Variants in GRXCR1 observed in about 807,000 individuals in gnomAD.
The protein encoded by GRXCR1 is glutaredoxin and cysteine rich domain containing 1.
Under a neutral mutation model 27.3 loss-of-function variants are expected in GRXCR1, and 27 were observed. That is an observed-to-expected ratio of 0.99 (90% confidence interval 0.73 to 1.37). The LOEUF is 1.37. Ranked by LOEUF, GRXCR1 falls within the 40% of genes most tolerant of loss-of-function variation. The pLI, the probability that GRXCR1 is intolerant of heterozygous loss-of-function variation, is 0.00. For missense variants in GRXCR1, 379 were observed against 354.4 expected, an observed-to-expected ratio of 1.07 and a Z score of -0.56; for synonymous variants, 122 against 131.1, an observed-to-expected ratio of 0.93 and a Z score of 0.47.
intron 2 of GRXCR1, among the ~76,000 whole-genome samples, chr4:42,965,261 C>G (rs1336632947): frequency 6.6e-6 from 1 of 152,040 alleles, no homozygotes; most frequent in Non-Finnish European, 1.5e-5. Flanking sequence ...GAGGAACTAT[C>G]ATACAGGTGC....
intron 1 of GRXCR1, among the ~76,000 whole-genome samples, chr4:42,961,057 CCT>C (rs1748120527): frequency 6.6e-6 from 1 of 151,704 alleles, no homozygotes; most frequent in Non-Finnish European, 1.5e-5. Context: ...GTGTCCACAT[CCT>C]CTCTTTGTTC....
intron 1 of GRXCR1, among the ~76,000 whole-genome samples, chr4:42,941,273 T>A (rs185073930): frequency 8.9e-4 from 135 of 152,150 alleles, no homozygotes; most frequent in African/African-American, 3.2e-3. Context: ...GTAGTTTCAA[T>A]TACCATTACT....
Position 42,981,616 on chromosome 4 carries a change from A to T in GRXCR1, c.627+18482A>T, listed in dbSNP as rs190981114. Reference sequence around the variant, plus strand: ...AACTTTGTCATTTCTTGTAAGACAGATCTGGTGGTGATGAACTTTCTCAGC... The same window carrying T: ...AACTTTGTCATTTCTTGTAAGACAGTTCTGGTGGTGATGAACTTTCTCAGC... On this transcript the variant is annotated intron_variant, in intron 2 of 3. Transcript: ENST00000399770. Among the ~76,000 whole-genome samples, 31 of 152,262 alleles carry T rather than the reference A, an allele frequency of 2.0e-4. No individual in the cohort carries two copies. The East Asian group carries it at 2.5e-3, about 12-fold the overall frequency.
intron 2 of GRXCR1, among the ~76,000 whole-genome samples, chr4:42,972,820 A>G (rs761488502): frequency 1.3e-5 from 2 of 152,138 alleles, no homozygotes; most frequent in African/African-American, 4.8e-5. Context: ...TTGAGGACTC[A>G]AAGTTCTAAT....
chr4:42,904,404 G>C (rs1450907), intron 1 of GRXCR1, among the ~76,000 whole-genome samples: 105,913 of 152,040 alleles, frequency 0.7, 37,298 homozygotes, highest in Non-Finnish European at 0.73. Flanking sequence ...CTTTGTGAGA[G>C]AAAGAAGAGA....
At chr4:42,939,315 G>C (rs1747545051) in intron 1 of GRXCR1, among the ~76,000 whole-genome samples, 1 of 148,758 alleles carries the variant, frequency 6.7e-6, no homozygotes, top group Admixed American at 6.6e-5. Flanking sequence ...GTTCACTGTT[G>C]ACATATAGAA....
intron 1 of GRXCR1, among the ~76,000 whole-genome samples, chr4:42,956,144 T>G (rs1413281820): frequency 1.3e-5 from 2 of 152,124 alleles, no homozygotes; most frequent in Non-Finnish European, 2.9e-5. Flanking sequence ...TTCCAACACA[T>G]CTGCATGTGC....
At chr4:42,953,669 TG>T (rs1185364674) in intron 1 of GRXCR1, among the ~76,000 whole-genome samples, 12 of 152,302 alleles carry the variant, frequency 7.9e-5, no homozygotes, top group Admixed American at 1.3e-4. Context: ...AATAAGAGAT[TG>T]TTTTTTTGAT....
intron 1 of GRXCR1, among the ~76,000 whole-genome samples, chr4:42,955,764 C>T (rs1425554053): frequency 1.3e-5 from 2 of 152,036 alleles, no homozygotes; most frequent in East Asian, 3.9e-4. Context: ...CTGGAGGCCT[C>T]TAAGTTCTCA....
intron 2 of GRXCR1, among the ~76,000 whole-genome samples, chr4:42,963,467 A>G (rs1245742185): frequency 1.3e-5 from 2 of 152,016 alleles, no homozygotes; most frequent in Non-Finnish European, 2.9e-5. Flanking sequence ...AGAAAAATGG[A>G]TATTTATAAG....
chr4:42,971,828 T>C (rs572475933), intron 2 of GRXCR1, among the ~76,000 whole-genome samples: 2 of 152,254 alleles, frequency 1.3e-5, no homozygotes, highest in African/African-American at 4.8e-5. Flanking sequence ...GAAAGTAGGA[T>C]ACACTTCACT....
chr4:43,017,109 A>T (rs1712954775), intron 2 of GRXCR1, among the ~76,000 whole-genome samples: 1 of 152,228 alleles, frequency 6.6e-6, no homozygotes, highest in Non-Finnish European at 1.5e-5. Flanking sequence ...ACTGAATAAG[A>T]TGCAATGCTG....
At chr4:42,963,814 T>C (rs1195452952) in intron 2 of GRXCR1, among the ~76,000 whole-genome samples, 1 of 151,860 alleles carries the variant, frequency 6.6e-6, no homozygotes, top group Non-Finnish European at 1.5e-5. Context: ...TTGGAAAAGG[T>C]GAGAGCAAAG....
chr4:43,001,771 C>T (rs1560683049), intron 2 of GRXCR1, among the ~76,000 whole-genome samples: 1 of 152,108 alleles, frequency 6.6e-6, no homozygotes, highest in African/African-American at 2.4e-5. Context: ...TCCAGCACAC[C>T]AAGGACCTGC....
chr4:42,937,916 G>A (rs1457446624), intron 1 of GRXCR1, among the ~76,000 whole-genome samples: 1 of 151,924 alleles, frequency 6.6e-6, no homozygotes, highest in Non-Finnish European at 1.5e-5. Context: ...ATTTCTTTGA[G>A]TTATAAACAT....
chr4:43,016,297 A>T (rs1577946736), intron 2 of GRXCR1, among the ~76,000 whole-genome samples: 1 of 152,134 alleles, frequency 6.6e-6, no homozygotes, highest in East Asian at 1.9e-4. Context: ...GTGACTACGA[A>T]AGGACATGTA....
intron 2 of GRXCR1, among the ~76,000 whole-genome samples, chr4:42,970,598 G>C (rs576160671): frequency 4.9e-4 from 75 of 152,256 alleles, no homozygotes; most frequent in South Asian, 4.1e-4. Flanking sequence ...GCTGGAGCTG[G>C]AGTTGCTGGG....
chr4:42,925,515 AT>A (rs998596982), intron 1 of GRXCR1, among the ~76,000 whole-genome samples: 12 of 151,998 alleles, frequency 7.9e-5, no homozygotes, highest in Admixed American at 7.2e-4. Flanking sequence ...TTGCCTGCTC[AT>A]TTTTTTCCGG....
At chr4:42,978,608 A>G (rs1440897685) in intron 2 of GRXCR1, among the ~76,000 whole-genome samples, 1 of 152,052 alleles carries the variant, frequency 6.6e-6, no homozygotes, top group African/African-American at 2.4e-5. Flanking sequence ...GTTTAGTGTT[A>G]ATATACAGTA....
Sources: allele counts gnomAD v4.1 joint callset (sites outside exome capture counted in the v4.1 genomes callset), GRCh38; gene constraint gnomAD v4.1.1; transcripts MANE v1.5; gene names NCBI Gene and HGNC (gene_info 2026-07-23, HGNC 2026-07-21).